ZNF99: variants seen among roughly 807,000 people sequenced by gnomAD.
The protein encoded by ZNF99 is zinc finger protein ENSP00000375192.
In ZNF99, 8 loss-of-function variants were observed where a neutral mutation model predicts 12.8. The observed-to-expected ratio is 0.62, with a 90% CI of 0.37 to 1.13. The LOEUF (loss-of-function observed/expected upper bound fraction) is 1.13. ZNF99 is among the 50% of genes most tolerant of loss of function. The pLI is 0.02. For synonymous variants in ZNF99, 318 were observed against 319.0 expected (o/e 1.00, Z 0.03); for missense variants, 1,007 against 1,006.2 (o/e 1.00, Z -0.01).
chr19:22,759,997 T>C (rs567507870), intron 3 of ZNF99, among the ~76,000 whole-genome samples: 3 of 152,232 alleles, frequency 2.0e-5, no homozygotes, highest in African/African-American at 7.2e-5. Context: ...TGACATGGTG[T>C]CGTTAGAAGT....
chr19:22,761,310 T>A (rs959265510), intron 3 of ZNF99, among the ~76,000 whole-genome samples: 3 of 152,008 alleles, frequency 2.0e-5, no homozygotes, highest in Non-Finnish European at 4.4e-5. Context: ...TCCCGCAATA[T>A]CATGCTAAAC....
In ZNF99 at chr19:22,756,396, TTATCTTATGTTTAGTAAGGTTTG is replaced by T; in HGVS notation, c.*895_*917del. On this transcript the variant is annotated 3_prime_UTR_variant, in exon 4 of 4. Transcript: ENST00000596209. ...TTGTAGGGTTTCTCTCCAGAATGAA[TTATCTTATGTTTAGTAAGGTTTG>T]AGGACTAAATGCTTTACCACACTCT... 1 of 1,589,806 alleles carries T rather than the reference TTATCTTATGTTTAGTAAGGTTTG, an allele frequency of 6.3e-7. No homozygotes were observed. Among genetic ancestry groups the T allele is most frequent in the Non-Finnish European group, 8.5e-7 (1 of 1,169,740 alleles).
At chr19:22,779,264 G>T (rs1973361922) in intron 1 of ZNF99, among the ~76,000 whole-genome samples, 1 of 151,994 alleles carries the variant, frequency 6.6e-6, no homozygotes. Context: ...GGTAGCTCAT[G>T]CGTGTAATCC....
At chr19:22,769,430 T>G (rs2145151640) in intron 1 of ZNF99, 106 bp from the exon 2 acceptor site, 1 of 1,271,406 alleles carries the variant, frequency 7.9e-7, no homozygotes, top group South Asian at 1.3e-5. Flanking sequence ...AGGTTCTAAC[T>G]TACAGGGATG....
In ZNF99 at chr19:22,756,807, A is replaced by G. The variant is rs1466447171; in HGVS notation, c.*507T>C. 6.2e-7 allele frequency: 1 copy of G among 1,610,222 alleles called. No individual in the cohort carries two copies. The highest frequency in any genetic ancestry group is 8.5e-7 in the Non-Finnish European group (1 of 1,178,608). ...CACATTTGTAGGGTTTCTTTCCAGT[A>G]TAATTATCTCATGTTTTCTAAGGGC... On this transcript the variant is annotated 3_prime_UTR_variant, in exon 4 of 4. Coordinates refer to ENST00000596209, the MANE Select transcript of ZNF99 (RefSeq NM_001080409.3).
intron 1 of ZNF99, chr19:22,770,114 T>C (rs1973250253): frequency 2.3e-6 from 2 of 864,168 alleles, no homozygotes; most frequent in Non-Finnish European, 3.0e-6. Context: ...GTAATGCCTG[T>C]TTTTGGCCCC....
chr19:22,771,714 CTTTTTTTTTT>C (rs34457637), intron 1 of ZNF99, among the ~76,000 whole-genome samples: 1 of 91,142 alleles, frequency 1.1e-5, no homozygotes, highest in Non-Finnish European at 2.2e-5. Flanking sequence ...ACAGGTGAAA[CTTTTTTTTTT>C]TTTTTTTTTT....
intron 3 of ZNF99, among the ~76,000 whole-genome samples, chr19:22,762,530 C>G (rs764280161): frequency 1.3e-5 from 2 of 151,986 alleles, no homozygotes; most frequent in Non-Finnish European, 2.9e-5. Flanking sequence ...TAGGACCAGA[C>G]AGTATGCAGC....
chr19:22,759,210 T>C lies in ZNF99; in HGVS notation c.699A>G (p.Lys233=), dbSNP rs1342489995. 12 of 1,569,184 alleles carry C rather than the reference T, an allele frequency of 7.6e-6. No individual in the cohort carries two copies. The highest frequency in any genetic ancestry group is 1.2e-5 in the South Asian group (1 of 86,926). ...HTEDKPYKYK[K]CGKAFNISSM... is the part of the protein sequence containing the mutation. ...AAGAGATGTTAAAAGCTTTGCCACATTTCTTATATTTGTAGGGTTTGTCTT... is the reference window on the plus strand; with the variant it reads ...AAGAGATGTTAAAAGCTTTGCCACACTTCTTATATTTGTAGGGTTTGTCTT... Residue 233 remains lysine (K), a synonymous_variant, in exon 4 of 4, where the codon AAA becomes AAG. Transcript: ENST00000596209.
At chr19:22,770,869 T>G (rs1973260470) in intron 1 of ZNF99, 2 of 152,162 alleles carry the variant, frequency 1.3e-5, no homozygotes, top group Non-Finnish European at 2.9e-5. Context: ...TTTGTAACTT[T>G]TAATAGCCAT....
chr19:22,775,815 A>C (rs564091440), intron 1 of ZNF99, among the ~76,000 whole-genome samples: 2 of 152,314 alleles, frequency 1.3e-5, no homozygotes, highest in East Asian at 1.9e-4. Context: ...ACCTGAGGTC[A>C]GGAGTTCGAG....
chr19:22,774,078 CA>C (rs1327135680), intron 1 of ZNF99: 1 of 153,778 alleles, frequency 6.5e-6, no homozygotes, highest in Non-Finnish European at 1.5e-5. Context: ...GGAATACTTA[CA>C]ATGCAGACAC....
chr19:22,759,460 T>C lies in ZNF99; in HGVS notation c.449A>G (p.Tyr150Cys). 6.2e-7 allele frequency: 1 copy of C among 1,603,536 alleles called. No homozygotes were observed. ...TGAATATTTATGAAAGACTTTCACA[T>C]ATTTGTTACACTGAAATATTTTTCC... The part of the protein sequence containing the change: ...TQGKIFQCNK[Y>C]VKVFHKYSNS... The change falls in exon 4 of 4, where the codon TAT becomes TGT. Residue 150 changes from tyrosine (Y) to cysteine (C), a missense_variant. Transcript: ENST00000596209.
Position 22,753,883 on chromosome 19 carries a change from T to A in ZNF99, c.*3431A>T. On this transcript the variant is annotated 3_prime_UTR_variant, in exon 4 of 4. Coordinates refer to ENST00000596209, the MANE Select transcript of ZNF99 (RefSeq NM_001080409.3). The stretch of plus-strand genomic sequence containing the variant: ...CTTCATAGTTTTCTCTAGGATAAAT[T>A]AGCTTATACTCAAGTGTGACAACCA... 1 of 305,732 alleles carries A rather than the reference T, an allele frequency of 3.3e-6. No individual in the cohort carries two copies. The highest frequency in any genetic ancestry group is 2.9e-5 in the South Asian group (1 of 34,452). 18.9% of individuals were successfully genotyped at this position (305,732 alleles called of 1,614,324 possible). A position where few individuals can be genotyped will look rare whatever the true frequency, so the allele number is the denominator to read the frequency against.
At chr19:22,780,319 C>T (rs1199898975) in intron 1 of ZNF99, among the ~76,000 whole-genome samples, 1 of 152,186 alleles carries the variant, frequency 6.6e-6, no homozygotes, top group Non-Finnish European at 1.5e-5. Flanking sequence ...AAGGTGCTTA[C>T]ACTTTATATC....
In ZNF99 at chr19:22,758,324, T is replaced by A; in HGVS notation, c.1585A>T (p.Ile529Leu). The change falls in exon 4 of 4, where the codon ATA becomes TTA. Residue 529 changes from isoleucine (I) to leucine (L), a missense_variant. Physicochemically the swap from Ile to Leu is conservative, Grantham distance 5. Transcript: ENST00000596209. ...TAGGGTTTCTTTCCAGTATGAATTA[T>A]CTTATGTTTTCTAAGGGCTGAGAAA... ...KHFSALRKHKIIHTGKKPYKC... is the reference protein window; with the variant it reads ...KHFSALRKHKLIHTGKKPYKC... 1 of 1,613,278 alleles carries A rather than the reference T, an allele frequency of 6.2e-7. No homozygotes were observed. The highest frequency in any genetic ancestry group is 8.5e-7 in the Non-Finnish European group (1 of 1,179,692).
Position 22,769,199 on chromosome 19 carries a change from C to G in ZNF99, c.129G>C (p.Leu43=). Reference sequence around the variant, plus strand: ...TTGCTTAATTAAAATCATCCTCACCCAGGAAGACCAGGTTTCTGTAGTTCT... The same window carrying G: ...TTGCTTAATTAAAATCATCCTCACCGAGGAAGACCAGGTTTCTGTAGTTCT... ...MLENYRNLVF[L]GIAVSKLDLI... is the part of the protein sequence containing the mutation. Residue 43 remains leucine, a splice_region_variant and synonymous_variant, in exon 2 of 4, where the codon CTG becomes CTC. Coordinates refer to ENST00000596209, the MANE Select transcript of ZNF99 (RefSeq NM_001080409.3). 6.2e-7 allele frequency: 1 copy of G among 1,605,654 alleles called. No homozygotes were observed. Among genetic ancestry groups the G allele is most frequent in the Non-Finnish European group, 8.5e-7 (1 of 1,175,412 alleles).
rs577017475 is a variant in ZNF99 at position 22,756,124 on chromosome 19, G to T, written c.*1190C>A. The T allele has an allele frequency of 7.4e-4, 1,080 of 1,464,958 alleles. No individual in the cohort carries two copies. Among genetic ancestry groups the T allele is most frequent in the Middle Eastern group, 1.1e-3 (6 of 5,236 alleles). The allele number at this position is 1,464,958 out of a possible 1,614,324, so 90.7% of individuals were successfully genotyped here. Reference sequence around the variant, plus strand: ...CTTTGCCACATTCTTCACATATGGAGGGTCTGTCTCTAGTATAAATTATCT... The same window carrying T: ...CTTTGCCACATTCTTCACATATGGATGGTCTGTCTCTAGTATAAATTATCT... On this transcript the variant is annotated 3_prime_UTR_variant, in exon 4 of 4. Transcript: ENST00000596209.
chr19:22,758,382 G>A lies in ZNF99; in HGVS notation c.1527C>T (p.Cys509=), dbSNP rs781763296. ...AAGCTTTGCCACATTCTTCACATTT[G>A]CAAGGTTTCTCTTCCATATGAATTA... ...HKVIHMEEKP[C]KCEECGKAFK... Residue 509 remains cysteine, a synonymous_variant, in exon 4 of 4, where the codon TGC becomes TGT. Coordinates refer to ENST00000596209, the MANE Select transcript of ZNF99 (RefSeq NM_001080409.3). The A allele has an allele frequency of 1.9e-6, 3 of 1,604,986 alleles. No homozygotes were observed. Among genetic ancestry groups the A allele is most frequent in the East Asian group, 2.3e-5 (1 of 44,426 alleles).
Sources: gnomAD v4.1 joint callset for allele counts (sites outside exome capture counted in the v4.1 genomes callset) on GRCh38, gnomAD v4.1.1 for gene constraint, MANE v1.5 for transcripts, NCBI Gene and HGNC (gene_info 2026-07-23, HGNC 2026-07-21) for gene names.